The following ARHGAP6 variants were observed in gnomAD, a reference collection of about 807,000 sequenced individuals.
ARHGAP6 encodes the protein Rho GTPase activating protein 6.
ARHGAP6 carries 16 observed loss-of-function variants against 55.7 expected under a neutral mutation model. That is an observed-to-expected ratio of 0.29 (90% CI 0.19 to 0.44). The LOEUF is 0.44. Ranked by LOEUF, ARHGAP6 falls within the 20% of genes least tolerant of loss-of-function variation. The pLI, the probability that ARHGAP6 is intolerant of heterozygous loss-of-function variation, is 1.00. For synonymous variants in ARHGAP6, 382 were observed against 360.9 expected (o/e 1.06, Z -0.66); for missense variants, 698 against 808.9 (o/e 0.86, Z 1.66).
chrX:11,583,790 T>G (rs768830572), intron 1 of ARHGAP6, among the ~76,000 whole-genome samples: 1 of 111,642 alleles, frequency 9.0e-6, no homozygotes, highest in Non-Finnish European at 1.9e-5. Context: ...AACATGATCA[T>G]CTCAAGTAAT....
intron 1 of ARHGAP6, among the ~76,000 whole-genome samples, chrX:11,530,838 C>A (rs181083801): frequency 9.0e-6 from 1 of 111,613 alleles, no homozygotes; most frequent in Admixed American, 9.5e-5. Flanking sequence ...AGTGAAGTGC[C>A]AAGTACTGGG....
intron 1 of ARHGAP6, among the ~76,000 whole-genome samples, chrX:11,314,196 G>C (rs1277038467): frequency 1.8e-5 from 2 of 111,902 alleles, no homozygotes; most frequent in Non-Finnish European, 3.8e-5. Flanking sequence ...AGATATATAG[G>C]TGAGTATTTA....
At chrX:11,610,129 T>TAA (rs59200351) in intron 1 of ARHGAP6, among the ~76,000 whole-genome samples, 1 of 88,786 alleles carries the variant, frequency 1.1e-5, no homozygotes. Context: ...CTTCCTCCAG[T>TAA]AAAAAAAAAA....
chrX:11,386,766 C>A (rs1441870758), intron 1 of ARHGAP6, among the ~76,000 whole-genome samples: 2 of 111,634 alleles, frequency 1.8e-5, no homozygotes, highest in Non-Finnish European at 3.8e-5. Flanking sequence ...TAAAAAAGAG[C>A]ACAAAGAAAA....
intron 1 of ARHGAP6, among the ~76,000 whole-genome samples, chrX:11,357,275 A>G (rs1355741195): frequency 9.0e-6 from 1 of 111,698 alleles, no homozygotes; most frequent in Non-Finnish European, 1.9e-5. Context: ...TTTACCTTTT[A>G]TAATATAATT....
At chrX:11,462,176 C>T (rs140747416) in intron 1 of ARHGAP6, among the ~76,000 whole-genome samples, 1,752 of 111,752 alleles carry the variant, frequency 0.016, 32 homozygotes, top group African/African-American at 0.054. Flanking sequence ...CTGCACATTT[C>T]CTTCTTGTGC....
chrX:11,237,713 G>T (rs1162520489), intron 2 of ARHGAP6, among the ~76,000 whole-genome samples: 1 of 112,058 alleles, frequency 8.9e-6, no homozygotes, highest in Non-Finnish European at 1.9e-5. Context: ...CAATAAAATT[G>T]ACTCTCGGAG....
intron 1 of ARHGAP6, among the ~76,000 whole-genome samples, chrX:11,619,762 C>T (rs2052206874): frequency 8.9e-6 from 1 of 112,185 alleles, no homozygotes; most frequent in East Asian, 2.8e-4. Flanking sequence ...TCCTATCTCT[C>T]TCCAACATCA....
intron 1 of ARHGAP6, chrX:11,427,637 G>C: frequency 1.1e-6 from 1 of 869,711 alleles, no homozygotes; most frequent in Non-Finnish European, 1.4e-6. Context: ...CTCAGCCTGG[G>C]GTCACGGTGT....
chrX:11,182,111 C>G lies in ARHGAP6; in HGVS notation c.1281G>C (p.Gln427His). The change falls in exon 6 of 13, where the codon CAG becomes CAC. Residue 427 changes from glutamine (Q) to histidine (H), a missense_variant. By Grantham distance (24) the Gln-to-His change is conservative. Around this residue, in one of 3 missense-constraint regions of ARHGAP6, gnomAD observed 322 missense variants for 451.1 expected, o/e 0.71. Transcript: ENST00000337414. ...TTCCAACTCGGAATATCCCCACTGT[C>G]TGGAGGCCTGCAAATAAGCAAACAA... is the stretch of plus-strand genomic sequence containing the variant. ...CCQHLEKHGL[Q>H]TVGIFRVGSS... 8.3e-7 allele frequency: 1 copy of G among 1,204,227 alleles called. No homozygotes were observed. Among genetic ancestry groups the G allele is most frequent in the East Asian group, 3.0e-5 (1 of 33,611 alleles).
At chrX:11,465,722 TA>T (rs1470481638) in intron 1 of ARHGAP6, among the ~76,000 whole-genome samples, 1 of 111,835 alleles carries the variant, frequency 8.9e-6, no homozygotes, top group African/African-American at 3.3e-5. Context: ...ATCACTTTTT[TA>T]AAAGTTTAAA....
intron 1 of ARHGAP6, among the ~76,000 whole-genome samples, chrX:11,373,638 A>C (rs1166527973): frequency 8.9e-6 from 1 of 112,094 alleles, no homozygotes; most frequent in Admixed American, 9.5e-5. Flanking sequence ...AATTTAAGCA[A>C]AGGTCACATC....
At chrX:11,340,865 C>G (rs2048696716) in intron 1 of ARHGAP6, among the ~76,000 whole-genome samples, 1 of 111,827 alleles carries the variant, frequency 8.9e-6, no homozygotes, top group Admixed American at 9.5e-5. Context: ...ACTTCTATGT[C>G]AGTCTTGTTC....
intron 1 of ARHGAP6, among the ~76,000 whole-genome samples, chrX:11,433,297 A>C (rs2049957996): frequency 8.9e-6 from 1 of 112,372 alleles, no homozygotes; most frequent in African/African-American, 3.2e-5. Flanking sequence ...AAAACAAGTG[A>C]GGAAGGGTGA....
At chrX:11,242,725 A>G (rs2047300370) in intron 2 of ARHGAP6, among the ~76,000 whole-genome samples, 1 of 111,995 alleles carries the variant, frequency 8.9e-6, no homozygotes, top group Admixed American at 9.4e-5. Flanking sequence ...GGAAGTAGGC[A>G]GGAGAACAAA....
chrX:11,178,187 G>C lies in ARHGAP6; in HGVS notation c.1542C>G (p.Cys514Trp). 1 of 1,211,240 alleles carries C rather than the reference G, an allele frequency of 8.3e-7. No homozygotes were observed. Among genetic ancestry groups the C allele is most frequent in the Non-Finnish European group, 1.1e-6 (1 of 895,307 alleles). ...LQLLIYLLPP[C>W]NCDTLHRLLQ... is the part of the protein sequence containing the mutation. ...GCAGGCGGTGGAGGGTGTCGCAGTT[G>C]CAGGGAGGTAGAAGGTATATGAGGA... Residue 514 changes from cysteine (C) to tryptophan (W), a missense_variant, in exon 8 of 13, where the codon TGC becomes TGG. Around this residue, in one of 3 missense-constraint regions of ARHGAP6, gnomAD observed 322 missense variants for 451.1 expected, o/e 0.71. Coordinates refer to ENST00000337414, the MANE Select transcript of ARHGAP6 (RefSeq NM_013427.3).
intron 2 of ARHGAP6, among the ~76,000 whole-genome samples, chrX:11,253,623 C>T (rs894248714): frequency 9.0e-6 from 1 of 111,621 alleles, no homozygotes; most frequent in African/African-American, 3.3e-5. Flanking sequence ...CTTTATAGGC[C>T]AGGTGCAGTG....
At chrX:11,453,184 C>A (rs2050159102) in intron 1 of ARHGAP6, among the ~76,000 whole-genome samples, 1 of 92,154 alleles carries the variant, frequency 1.1e-5, no homozygotes, top group Admixed American at 1.2e-4. Context: ...GGAATTGGCT[C>A]TCTCTCTCTC....
intron 1 of ARHGAP6, among the ~76,000 whole-genome samples, chrX:11,471,761 G>T (rs915122353): frequency 2.7e-5 from 3 of 111,454 alleles, no homozygotes; most frequent in African/African-American, 9.8e-5. Context: ...ATCCTTGGGG[G>T]AAGGACAATG....
Sources: gnomAD v4.1 joint callset for allele counts (sites outside exome capture counted in the v4.1 genomes callset) on GRCh38, gnomAD v4.1.1 for gene constraint, gnomAD v4.1.1 regional missense constraint, MANE v1.5 for transcripts, NCBI Gene and HGNC (gene_info 2026-07-23, HGNC 2026-07-21) for gene names.